Variants in CHD1L observed in about 807,000 individuals in gnomAD.
CHD1L encodes ATP-dependent chromatin remodeler CHD1L.
CHD1L carries 118 observed loss-of-function variants against 115.9 expected under a neutral mutation model. That is an observed-to-expected ratio of 1.02 (90% CI 0.88 to 1.19). The LOEUF (loss-of-function observed/expected upper bound fraction) is 1.19. Among genes scored for constraint, CHD1L ranks in the 50% most tolerant of loss-of-function variants. The pLI is 0.00. For synonymous variants in CHD1L, 411 were observed against 387.1 expected (o/e 1.06, Z -0.72); for missense variants, 1,179 against 1,065.3 (o/e 1.11, Z -1.49).
At chr1:147,295,402 C>A in intron 22 of CHD1L, 29 bp from the exon 23 acceptor site, 1 of 1,494,732 alleles carries the variant, frequency 6.7e-7, no homozygotes, top group Non-Finnish European at 9.3e-7. Context: ...AAAGTGATGA[C>A]ATGTATCTTC....
chr1:147,231,877 C>T, the CHD1L span, among the ~76,000 whole-genome samples: 1 of 152,172 alleles, frequency 6.6e-6, no homozygotes, highest in Admixed American at 6.5e-5. Flanking sequence ...TCCTGTGCTT[C>T]CCGGGTGAGG....
intron 18 of CHD1L, among the ~76,000 whole-genome samples, chr1:147,287,424 T>C (rs144049295): frequency 1.2e-4 from 19 of 152,354 alleles, no homozygotes; most frequent in Non-Finnish European, 2.5e-4. Flanking sequence ...TTTGAGATGC[T>C]TTCCTGTTAT....
chr1:147,224,670 C>T, the CHD1L span, among the ~76,000 whole-genome samples: 1 of 151,958 alleles, frequency 6.6e-6, no homozygotes, highest in Admixed American at 6.5e-5. Context: ...CCACCACGCC[C>T]GGCTAATTTT....
intron 20 of CHD1L, 127 bp downstream of exon 20, chr1:147,291,679 C>A: frequency 1.4e-6 from 1 of 722,340 alleles, no homozygotes; most frequent in South Asian, 1.6e-5. Flanking sequence ...AACAAAAAGA[C>A]ACAGACTAGG....
chr1:147,242,300 TGGAGGGCACG>T (rs1256398719), upstream of CHD1L, among the ~76,000 whole-genome samples: 10 of 152,200 alleles, frequency 6.6e-5, no homozygotes, highest in Non-Finnish European at 1.3e-4. Context: ...CGTGAATCAC[TGGAGGGCACG>T]GAACAAGTCT....
rs782042683 is a variant in CHD1L, at chr1:147,285,497, C to T, written c.2018+10C>T. 1.1e-5 allele frequency: 17 copies of T among 1,603,922 alleles called. No homozygotes were observed. The highest frequency in any genetic ancestry group is 5.6e-5 in the South Asian group (5 of 89,422). ...CTGAACATAAGAAAAAGTATGTCTG[C>T]GTTAACCAAGCTGGCGGCCACAGTT... On this transcript the variant is annotated intron_variant, in intron 17 of 22. Coordinates refer to ENST00000369258, the MANE Select transcript of CHD1L (RefSeq NM_004284.6).
chr1:147,242,329 G>A (rs1553931319), upstream of CHD1L, among the ~76,000 whole-genome samples: 5 of 152,164 alleles, frequency 3.3e-5, no homozygotes, highest in African/African-American at 7.2e-5. Context: ...CTTACTTCTA[G>A]AACCCCCAGG....
chr1:147,259,974 T>TG, intron 6 of CHD1L, 56 bp downstream of exon 6: 4 of 1,303,010 alleles, frequency 3.1e-6, no homozygotes, highest in Non-Finnish European at 4.3e-6. Flanking sequence ...TAAATATACA[T>TG]TATATTTTAG....
chr1:147,292,555 G>C (rs1685931696), intron 20 of CHD1L, among the ~76,000 whole-genome samples: 1 of 152,202 alleles, frequency 6.6e-6, no homozygotes, highest in Non-Finnish European at 1.5e-5. Flanking sequence ...AATTCCCTGA[G>C]ACTGGGTAAT....
chr1:147,199,109 C>G, the CHD1L span, among the ~76,000 whole-genome samples: 1 of 151,900 alleles, frequency 6.6e-6, no homozygotes, highest in Non-Finnish European at 1.5e-5. Flanking sequence ...ATTCAGTGTT[C>G]TAGAAAAGAG....
At chr1:147,255,090 C>A (rs1553939110) in intron 3 of CHD1L, 114 bp downstream of exon 3, 1 of 722,642 alleles carries the variant, frequency 1.4e-6, no homozygotes, top group South Asian at 2.4e-5. Context: ...AAGTTTATTC[C>A]AGAAAACTTT....
the CHD1L span, chr1:147,174,351 G>C: frequency 1.3e-5 from 2 of 152,196 alleles, no homozygotes; most frequent in African/African-American, 4.8e-5. Context: ...GACTTGTGTA[G>C]TATTCAGTTT....
the CHD1L span, chr1:147,203,446 A>G: frequency 2.3e-4 from 192 of 837,834 alleles, 1 homozygote; most frequent in East Asian, 1.9e-3. Context: ...AGCTTCCAAC[A>G]TGTCCGTTAC....
chr1:147,193,374 C>T, the CHD1L span, among the ~76,000 whole-genome samples: 5,601 of 151,798 alleles, frequency 0.037, 151 homozygotes, highest in South Asian at 0.096. Flanking sequence ...ATCATTTTTA[C>T]TGCATCTATT....
intron 10 of CHD1L, among the ~76,000 whole-genome samples, chr1:147,270,048 C>T (rs1675543251): frequency 6.6e-6 from 1 of 152,186 alleles, no homozygotes; most frequent in Non-Finnish European, 1.5e-5. Context: ...CAAGGTCACA[C>T]AGCCAACAAA....
chr1:147,250,568 T>C (rs7521301), intron 1 of CHD1L, among the ~76,000 whole-genome samples: 6,874 of 152,042 alleles, frequency 0.045, 369 homozygotes, highest in East Asian at 0.17. Context: ...TAGGGCCTCG[T>C]TATTGGTTGG....
At chr1:147,232,437 A>C in the CHD1L span, among the ~76,000 whole-genome samples, 10 of 152,104 alleles carry the variant, frequency 6.6e-5, no homozygotes, top group Non-Finnish European at 1.5e-4. Flanking sequence ...CCATTATCTC[A>C]AGTAGCAGAA....
upstream of CHD1L, among the ~76,000 whole-genome samples, chr1:147,238,787 G>A (rs1212991042): frequency 2.6e-5 from 4 of 152,078 alleles, no homozygotes; most frequent in African/African-American, 9.7e-5. Flanking sequence ...TTTATTGAGG[G>A]CATACTATTG....
chr1:147,229,578 T>G, the CHD1L span, among the ~76,000 whole-genome samples: 3 of 152,116 alleles, frequency 2.0e-5, no homozygotes, highest in Non-Finnish European at 2.9e-5. Context: ...GGATGGCATT[T>G]AATCTATAAA....
Sources: gnomAD v4.1 joint callset for allele counts (sites outside exome capture counted in the v4.1 genomes callset) on GRCh38, gnomAD v4.1.1 for gene constraint, MANE v1.5 for transcripts, NCBI Gene and HGNC (gene_info 2026-07-23, HGNC 2026-07-21) for gene names.